The following ODAD4 variants were observed in gnomAD, a reference collection of about 807,000 sequenced individuals.
ODAD4 encodes the protein outer dynein arm docking complex subunit 4, also known as outer dynein arm-docking complex subunit 4.
A neutral mutation model predicts 51.8 loss-of-function variants in ODAD4; 49 were observed. That is an observed-to-expected ratio of 0.95 (90% CI 0.75 to 1.20). ODAD4 has a LOEUF of 1.20. ODAD4 is among the 50% of genes most tolerant of loss of function. The pLI is 0.00. For synonymous variants in ODAD4, 235 were observed against 221.3 expected (o/e 1.06, Z -0.55); for missense variants, 590 against 586.5 (o/e 1.01, Z -0.06).
rs782097686 is a variant in ODAD4 at position 41,939,041 on chromosome 17, G to A, written c.927G>A (p.Lys309=). The change falls in exon 7 of 12, where the codon AAG becomes AAA. Residue 309 remains lysine, a synonymous_variant. Coordinates refer to ENST00000377540, the MANE Select transcript of ODAD4 (RefSeq NM_031421.5). ...KVLKKVLEWN[K]EEVPNKDELV... Reference sequence around the variant, plus strand: ...TGAAGAAGGTACTGGAATGGAACAAGGAAGAGGTACCCAACAAGGATGAAC... The same window carrying A: ...TGAAGAAGGTACTGGAATGGAACAAAGAAGAGGTACCCAACAAGGATGAAC... 6.2e-7 allele frequency: 1 copy of A among 1,613,746 alleles called. No individual in the cohort carries two copies. Among genetic ancestry groups the A allele is most frequent in the Non-Finnish European group, 8.5e-7 (1 of 1,179,778 alleles).
chr17:41,942,564 GAC>G (rs2050521222), intron 7 of ODAD4, among the ~76,000 whole-genome samples: 1 of 152,252 alleles, frequency 6.6e-6, no homozygotes, highest in Non-Finnish European at 1.5e-5. Context: ...GACGGGCTGT[GAC>G]AGCAGCAGGT....
rs554993453 is a variant in ODAD4 at position 41,935,220 on chromosome 17, C to G, written c.118C>G (p.Leu40Val). Reference sequence around the variant, plus strand: ...ACCTGACTGGTTTCTTTGTCAGGCTCTTTACCTTCAGGATGGAGACAAGAA... The same window carrying G: ...ACCTGACTGGTTTCTTTGTCAGGCTGTTTACCTTCAGGATGGAGACAAGAA... ...SKAAQSFSNA[L>V]YLQDGDKNCL... Residue 40 changes from leucine (L) to valine (V), a missense_variant, in exon 2 of 12, where the codon CTT (leucine) becomes GTT (valine). Physicochemically the swap from Leu to Val is conservative, Grantham distance 32. Coordinates refer to ENST00000377540, the MANE Select transcript of ODAD4 (RefSeq NM_031421.5). 4 of 1,613,966 alleles carry G rather than the reference C, an allele frequency of 2.5e-6. No individual in the cohort carries two copies. Among genetic ancestry groups the G allele is most frequent in the African/African-American group, 2.7e-5 (2 of 75,050 alleles).
In ODAD4 at chr17:41,930,658, A is replaced by G; in HGVS notation, c.-66A>G. The G allele has an allele frequency of 1.9e-6, 2 of 1,074,644 alleles. No homozygotes were observed. The allele number at this position is 1,074,644 out of a possible 1,614,324, so 66.6% of individuals were successfully genotyped here. A position where few individuals can be genotyped will look rare whatever the true frequency, so the allele number is the denominator to read the frequency against. On this transcript the variant is annotated 5_prime_UTR_variant, in exon 1 of 12. Transcript: ENST00000377540. The stretch of plus-strand genomic sequence containing the variant: ...TTGCTAAGAAACGGAGCTTCCACAA[A>G]CCAGATAGAGGTTCTCCAGCTTTTC...
intron 9 of ODAD4, among the ~76,000 whole-genome samples, chr17:41,952,871 T>G (rs974078332): frequency 1.3e-5 from 2 of 152,018 alleles, no homozygotes; most frequent in Non-Finnish European, 2.9e-5. Flanking sequence ...CCCCAGTTGC[T>G]GGGACCACAG....
At chr17:41,936,446 C>T (rs782641363) in intron 3 of ODAD4, 27 bp from the exon 4 acceptor site, 20 of 1,595,054 alleles carry the variant, frequency 1.3e-5, no homozygotes, top group Non-Finnish European at 1.6e-5. Context: ...GTCTGGCCGA[C>T]CTGAGCTCCA....
chr17:41,960,376 A>G (rs1015418014), intron 10 of ODAD4, among the ~76,000 whole-genome samples: 23 of 152,216 alleles, frequency 1.5e-4, no homozygotes, highest in African/African-American at 5.5e-4. Context: ...TGAACCCAGG[A>G]GGCGGAGCTT....
intron 9 of ODAD4, among the ~76,000 whole-genome samples, chr17:41,951,394 A>G (rs1287077204): frequency 6.6e-6 from 1 of 151,658 alleles, no homozygotes; most frequent in Non-Finnish European, 1.5e-5. Flanking sequence ...CAACTCTGTA[A>G]ATTTTCTCAA....
intron 7 of ODAD4, among the ~76,000 whole-genome samples, chr17:41,942,889 G>A (rs1555638873): frequency 6.6e-6 from 1 of 151,952 alleles, no homozygotes; most frequent in Non-Finnish European, 1.5e-5. Flanking sequence ...TAGCAACAGG[G>A]TATTGCTCTG....
chr17:41,955,415 C>G (rs1456293412), intron 10 of ODAD4, 98 bp downstream of exon 10: 1 of 652,744 alleles, frequency 1.5e-6, no homozygotes, highest in Admixed American at 2.4e-5. Flanking sequence ...CATTCCACAG[C>G]CGTTTTTTTG....
intron 7 of ODAD4, among the ~76,000 whole-genome samples, chr17:41,940,061 G>C (rs563233156): frequency 1.6e-4 from 25 of 152,146 alleles, no homozygotes; most frequent in Non-Finnish European, 3.1e-4. Context: ...CTTCCACCCG[G>C]AGGTTCCATC....
intron 8 of ODAD4, among the ~76,000 whole-genome samples, chr17:41,945,582 A>G (rs142723945): frequency 6.6e-6 from 1 of 152,234 alleles, no homozygotes; most frequent in African/African-American, 2.4e-5. Context: ...AGAAGAAAGA[A>G]TTTGAATGAG....
At chr17:41,959,868 G>A (rs1233551631) in intron 10 of ODAD4, among the ~76,000 whole-genome samples, 2 of 152,328 alleles carry the variant, frequency 1.3e-5, no homozygotes, top group African/African-American at 4.8e-5. Context: ...TCATGGCGGA[G>A]AAATCATACC....
chr17:41,944,260 T>C (rs1356872002), intron 7 of ODAD4, among the ~76,000 whole-genome samples: 2 of 150,036 alleles, frequency 1.3e-5, no homozygotes, highest in African/African-American at 4.9e-5. Context: ...TGCTACTCAG[T>C]GGCTGAGGCA....
intron 8 of ODAD4, among the ~76,000 whole-genome samples, chr17:41,948,326 T>C (rs1359929593): frequency 2.7e-5 from 4 of 150,402 alleles, no homozygotes; most frequent in Non-Finnish European, 5.9e-5. Flanking sequence ...CTTTCCTTTT[T>C]TTTTTTTTGA....
intron 9 of ODAD4, among the ~76,000 whole-genome samples, chr17:41,954,062 T>G (rs1413424210): frequency 6.6e-6 from 1 of 152,004 alleles, no homozygotes; most frequent in Non-Finnish European, 1.5e-5. Context: ...CTCGGCTCAC[T>G]GCAACCTCTG....
chr17:41,962,898 C>G (rs1383407737), intron 11 of ODAD4, among the ~76,000 whole-genome samples: 1 of 152,210 alleles, frequency 6.6e-6, no homozygotes, highest in Non-Finnish European at 1.5e-5. Flanking sequence ...CCAGGCAGGG[C>G]AGCGGGAGGT....
intron 9 of ODAD4, among the ~76,000 whole-genome samples, chr17:41,953,302 G>A (rs557009320): frequency 2.6e-5 from 4 of 152,160 alleles, no homozygotes; most frequent in Non-Finnish European, 2.9e-5. Flanking sequence ...CTTGTGATCC[G>A]CCTGTCTTGG....
intron 11 of ODAD4, among the ~76,000 whole-genome samples, chr17:41,963,029 A>C (rs577845987): frequency 1.3e-5 from 2 of 152,320 alleles, no homozygotes; most frequent in South Asian, 4.1e-4. Context: ...CTGCTCTGAG[A>C]AGCCACAGGA....
At chr17:41,944,799 AG>A (rs1480723133) in intron 7 of ODAD4, among the ~76,000 whole-genome samples, 8 of 151,982 alleles carry the variant, frequency 5.3e-5, no homozygotes, top group Admixed American at 5.2e-4. Context: ...AAAAAAAAAA[AG>A]TAATTATTTT....
Sources: allele counts gnomAD v4.1 joint callset (sites outside exome capture counted in the v4.1 genomes callset), GRCh38; gene constraint gnomAD v4.1.1; transcripts MANE v1.5; gene names NCBI Gene and HGNC (gene_info 2026-07-23, HGNC 2026-07-21).